Variants in BMPR2 observed in about 807,000 individuals in gnomAD.
BMPR2 encodes the protein bone morphogenetic protein receptor type-2.
In BMPR2, 29 loss-of-function variants were observed where a neutral mutation model predicts 100.8. The ratio of observed to expected loss-of-function variants is 0.29; its 90% CI spans 0.21 to 0.39. BMPR2 has a LOEUF of 0.39. BMPR2 is among the 10% of genes least tolerant of loss of function. The pLI is 1.00. For synonymous variants in BMPR2, 382 were observed against 442.3 expected (o/e 0.86, Z 1.71); for missense variants, 1,011 against 1,274.5 (o/e 0.79, Z 3.15).
chr2:202,469,816 C>T (rs945625282), intron 3 of BMPR2, among the ~76,000 whole-genome samples: 2 of 151,910 alleles, frequency 1.3e-5, no homozygotes, highest in African/African-American at 4.8e-5. Flanking sequence ...AATAACTACC[C>T]TGATACCAAA....
At position 202,377,106 on chromosome 2, in the gene BMPR2, C is replaced by G. The variant is rs1690164446; in HGVS notation, c.-369C>G. 4 of 557,674 alleles carry G rather than the reference C, an allele frequency of 7.2e-6. No individual in the cohort carries two copies. The highest frequency in any genetic ancestry group is 5.7e-5 in the African/African-American group (3 of 52,400). 34.5% of individuals were successfully genotyped at this position (557,674 alleles called of 1,614,324 possible). On this transcript the variant is annotated 5_prime_UTR_variant, in exon 1 of 13. Coordinates refer to ENST00000374580, the MANE Select transcript of BMPR2 (RefSeq NM_001204.7). Reference sequence around the variant, plus strand: ...GGATCGAATCCCCGCCCTCCGCACCCTGGATATGTTTTCTCCCAGACCTGG... The same window carrying G: ...GGATCGAATCCCCGCCCTCCGCACCGTGGATATGTTTTCTCCCAGACCTGG...
chr2:202,557,291 T>C (rs1035625864), intron 12 of BMPR2, among the ~76,000 whole-genome samples: 3 of 152,066 alleles, frequency 2.0e-5, no homozygotes, highest in African/African-American at 7.2e-5. Context: ...GTGAAACCCC[T>C]GTGTCTACTA....
At position 202,482,157 on chromosome 2, in the gene BMPR2, AT is replaced by A. The variant is rs561408562; in HGVS notation, c.418+14475del. Among the ~76,000 whole-genome samples the A allele has an allele frequency of 1.4e-4, 21 of 152,274 alleles. No homozygotes were observed. In the East Asian group the frequency reaches 3.9e-3, roughly 28 times the overall value. On this transcript the variant is annotated intron_variant, in intron 3 of 12. Coordinates refer to ENST00000374580, the MANE Select transcript of BMPR2 (RefSeq NM_001204.7). ...CATCCATCTTGTAGCATGTGTTAGA[AT>A]TTTTTTGAAGGCTGAATAATATTCC... is the stretch of plus-strand genomic sequence containing the variant.
In BMPR2 at chr2:202,376,408, G is replaced by GC; in HGVS notation, c.-1064dup. Among the ~76,000 whole-genome samples, 1 of 147,210 alleles carries GC rather than the reference G, an allele frequency of 6.8e-6. No individual in the cohort carries two copies. The highest frequency in any genetic ancestry group is 3.6e-3 in the Middle Eastern group (1 of 274). On this transcript the variant is annotated 5_prime_UTR_variant, in exon 1 of 13. Coordinates refer to ENST00000374580, the MANE Select transcript of BMPR2 (RefSeq NM_001204.7). Reference sequence around the variant, plus strand: ...ACGCAGGGTGTCTCGCCGCCTCCCTGCCCACCCCCTTCCCCGGCTACCTTC... The same window carrying GC: ...ACGCAGGGTGTCTCGCCGCCTCCCTGCCCCACCCCCTTCCCCGGCTACCTTC...
chr2:202,413,480 G>A (rs1306377436), intron 1 of BMPR2, among the ~76,000 whole-genome samples: 1 of 152,144 alleles, frequency 6.6e-6, no homozygotes, highest in Non-Finnish European at 1.5e-5. Flanking sequence ...TAATGCAAAT[G>A]TGGTGAGCAC....
intron 12 of BMPR2, among the ~76,000 whole-genome samples, chr2:202,558,509 A>T (rs373299158): frequency 1.3e-4 from 20 of 152,214 alleles, no homozygotes; most frequent in East Asian, 3.8e-4. Context: ...GTCTCAAAAC[A>T]CAATCAGGAA....
intron 1 of BMPR2, among the ~76,000 whole-genome samples, chr2:202,377,889 A>G (rs1336151085): frequency 7.9e-5 from 12 of 152,246 alleles, no homozygotes; most frequent in Admixed American, 7.9e-4. Flanking sequence ...AGTGCTTATT[A>G]TGAGATCTCT....
At chr2:202,549,728 C>T (rs1265943102) in intron 10 of BMPR2, among the ~76,000 whole-genome samples, 1 of 133,142 alleles carries the variant, frequency 7.5e-6, no homozygotes, top group East Asian at 2.2e-4. Context: ...GCCTGGGCGA[C>T]AGAGCAAGAC....
rs1056926464 is a variant in BMPR2, at chr2:202,503,757, C to T, written c.419-9962C>T. Among the ~76,000 whole-genome samples the T allele has an allele frequency of 1.1e-4, 16 of 152,202 alleles. No individual in the cohort carries two copies. Among genetic ancestry groups the T allele is most frequent in the African/African-American group, 3.6e-4 (15 of 41,458 alleles). On this transcript the variant is annotated intron_variant, in intron 3 of 12. Coordinates refer to ENST00000374580, the MANE Select transcript of BMPR2 (RefSeq NM_001204.7). The surrounding 1 kb of genome is among the most constrained non-coding windows in gnomAD (Gnocchi z 4.0). ...CCACCCAAGGGCTGAGGAGTGTGAG[C>T]GCACGGTGTGGGACTGGCAGGCAGC...
At chr2:202,504,604 C>G (rs1687481662) in intron 3 of BMPR2, among the ~76,000 whole-genome samples, 1 of 151,962 alleles carries the variant, frequency 6.6e-6, no homozygotes, top group Non-Finnish European at 1.5e-5. Flanking sequence ...AAGAACCCAC[C>G]AATTCCGGAC....
In BMPR2 at chr2:202,565,235, T is replaced by G. The variant is rs1688741753; in HGVS notation, c.*5289T>G. 6.6e-6 allele frequency: 1 copy of G among 152,168 alleles called. No individual in the cohort carries two copies. 9.4% of individuals were successfully genotyped at this position (152,168 alleles called of 1,614,324 possible). ...AGCAGTTGGTCATCATCCCCAATATTCTTAGTCTTCAGTATGCTTCAGGCC... is the reference window on the plus strand; with the variant it reads ...AGCAGTTGGTCATCATCCCCAATATGCTTAGTCTTCAGTATGCTTCAGGCC... On this transcript the variant is annotated 3_prime_UTR_variant, in exon 13 of 13. Coordinates refer to ENST00000374580, the MANE Select transcript of BMPR2 (RefSeq NM_001204.7).
chr2:202,499,821 C>A (rs1687337748), intron 3 of BMPR2, among the ~76,000 whole-genome samples: 1 of 152,144 alleles, frequency 6.6e-6, no homozygotes, highest in South Asian at 2.1e-4. Context: ...AAAGCGAGAT[C>A]AGAGAAAGGC....
chr2:202,536,067 A>AGAGAGGGAGAGGGAGACCGTGGG (rs1491386746), intron 9 of BMPR2, among the ~76,000 whole-genome samples: 11 of 152,116 alleles, frequency 7.2e-5, no homozygotes, highest in African/African-American at 2.7e-4. Context: ...GACCGTGGAA[A>AGAGAGGGAGAGGGAGACCGTGGG]GAGAGGGAGA....
intron 1 of BMPR2, among the ~76,000 whole-genome samples, chr2:202,383,291 A>C (rs1690339771): frequency 6.6e-6 from 1 of 152,156 alleles, no homozygotes; most frequent in Non-Finnish European, 1.5e-5. Flanking sequence ...TCACACCTAT[A>C]ATCCCAGCAC....
Position 202,556,393 on chromosome 2 carries a change from T to C in BMPR2, c.2728T>C (p.Cys910Arg). The change falls in exon 12 of 13, where the codon TGT becomes CGT. Residue 910 changes from cysteine to arginine, a missense_variant. By Grantham distance (180) the Cys-to-Arg change is radical. Transcript: ENST00000374580. ...TNSNNNNSNP[C>R]SEQDVLAQGV... ...TTCCAATAACAACAACAGCAATCCA[T>C]GTTCAGAACAAGATGTTCTTGCACA... 6.2e-7 allele frequency: 1 copy of C among 1,614,168 alleles called. No homozygotes were observed. The highest frequency in any genetic ancestry group is 2.2e-5 in the East Asian group (1 of 44,880).
intron 9 of BMPR2, among the ~76,000 whole-genome samples, chr2:202,535,523 T>G (rs1196342582): frequency 1.4e-5 from 2 of 142,412 alleles, no homozygotes; most frequent in East Asian, 2.1e-4. Flanking sequence ...TTCCTAGATG[T>G]GATGGCGGCC....
intron 7 of BMPR2, among the ~76,000 whole-genome samples, chr2:202,522,031 C>T (rs543658371): frequency 1.3e-5 from 2 of 152,070 alleles, no homozygotes; most frequent in East Asian, 1.9e-4. Flanking sequence ...TGGTGACACG[C>T]GCACATAATC....
intron 10 of BMPR2, among the ~76,000 whole-genome samples, chr2:202,550,235 T>G (rs1688451752): frequency 1.3e-5 from 2 of 151,938 alleles, no homozygotes; most frequent in African/African-American, 2.4e-5. Context: ...TAGCCAGGTG[T>G]GGTGGCGGGT....
At chr2:202,396,334 T>G (rs1288274551) in intron 1 of BMPR2, among the ~76,000 whole-genome samples, 1 of 152,240 alleles carries the variant, frequency 6.6e-6, no homozygotes, top group African/African-American at 2.4e-5. Context: ...TACTCAGCTC[T>G]GAAGACTTGA....
Sources: allele counts gnomAD v4.1 joint callset (sites outside exome capture counted in the v4.1 genomes callset), GRCh38; gene constraint gnomAD v4.1.1; non-coding constraint Gnocchi (gnomAD v3.1); transcripts MANE v1.5; gene names NCBI Gene and HGNC (gene_info 2026-07-23, HGNC 2026-07-21).